Variants in SCHIP1 observed in about 807,000 individuals in gnomAD.
The protein encoded by SCHIP1 is schwannomin interacting protein 1, also known as schwannomin-interacting protein 1.
In SCHIP1, 8 loss-of-function variants were observed where a neutral mutation model predicts 29.7. That is an observed-to-expected ratio of 0.27 (90% confidence interval 0.16 to 0.49). SCHIP1 has a LOEUF of 0.49. SCHIP1 is among the 20% of genes least tolerant of loss of function. The pLI is 0.99. For synonymous variants in SCHIP1, 76 were observed against 94.9 expected (o/e 0.80, Z 1.16); for missense variants, 193 against 294.6 (o/e 0.66, Z 2.52).
the SCHIP1 span, among the ~76,000 whole-genome samples, chr3:159,329,269 C>G: frequency 2.6e-5 from 4 of 152,278 alleles, no homozygotes; most frequent in Admixed American, 2.6e-4. Flanking sequence ...GGGAGATAGT[C>G]TAAGCTATGA....
chr3:159,305,957 A>C, the SCHIP1 span, among the ~76,000 whole-genome samples: 1 of 152,096 alleles, frequency 6.6e-6, no homozygotes, highest in Admixed American at 6.5e-5. Context: ...CTTAAGTTCT[A>C]CTTCAACCTG....
chr3:159,857,951 CCTT>C (rs1264897527), intron 1 of SCHIP1, among the ~76,000 whole-genome samples: 9 of 152,190 alleles, frequency 5.9e-5, no homozygotes, highest in Non-Finnish European at 1.0e-4. Context: ...CTCCTCCCCA[CCTT>C]CTTTCTGGCC....
At chr3:159,839,932 A>G in exon 1 of SCHIP1, 2 of 1,407,844 alleles carry the variant, frequency 1.4e-6, no homozygotes, top group Non-Finnish European at 1.8e-6. Context: ...GCCCGGTCCC[A>G]GCTCCATGTT....
the SCHIP1 span, among the ~76,000 whole-genome samples, chr3:159,488,230 A>G: frequency 6.6e-6 from 1 of 152,194 alleles, no homozygotes; most frequent in South Asian, 2.1e-4. Context: ...TAATGGACAC[A>G]CAAAAAATAG....
the SCHIP1 span, among the ~76,000 whole-genome samples, chr3:159,577,847 A>G: frequency 6.6e-6 from 1 of 152,210 alleles, no homozygotes. Flanking sequence ...GCAATGCTTA[A>G]CATTTTTCAA....
the SCHIP1 span, among the ~76,000 whole-genome samples, chr3:159,285,966 A>G: frequency 6.6e-6 from 1 of 152,132 alleles, no homozygotes; most frequent in Non-Finnish European, 1.5e-5. Flanking sequence ...TTTAAAACTT[A>G]TCTTTCAAGA....
At chr3:159,679,494 G>A in the SCHIP1 span, among the ~76,000 whole-genome samples, 1 of 152,182 alleles carries the variant, frequency 6.6e-6, no homozygotes, top group Non-Finnish European at 1.5e-5. Context: ...ATTTCAGCAG[G>A]ACAAATAGTT....
chr3:159,519,861 GA>G, the SCHIP1 span, among the ~76,000 whole-genome samples: 72,164 of 146,276 alleles, frequency 0.49, 17,720 homozygotes, highest in East Asian at 0.62. Flanking sequence ...CAGTCATGAA[GA>G]AAAAAAAAAT....
chr3:159,645,735 G>C, the SCHIP1 span, among the ~76,000 whole-genome samples: 3 of 152,036 alleles, frequency 2.0e-5, no homozygotes, highest in African/African-American at 7.2e-5. Flanking sequence ...GAAAAATAGA[G>C]AAATACCACT....
chr3:159,827,878 A>G, the SCHIP1 span, among the ~76,000 whole-genome samples: 1 of 151,990 alleles, frequency 6.6e-6, no homozygotes, highest in South Asian at 2.1e-4. Context: ...TGATTTTCAT[A>G]GTAAATTCAA....
At chr3:159,578,360 C>A in the SCHIP1 span, among the ~76,000 whole-genome samples, 1 of 152,082 alleles carries the variant, frequency 6.6e-6, no homozygotes, top group South Asian at 2.1e-4. Context: ...TTTAATCTGA[C>A]TACATGTTGA....
the SCHIP1 span, among the ~76,000 whole-genome samples, chr3:159,428,027 C>A: frequency 1.3e-5 from 2 of 152,184 alleles, no homozygotes; most frequent in South Asian, 4.1e-4. Flanking sequence ...TTCCTTACAT[C>A]TTATTCAAAA....
the SCHIP1 span, among the ~76,000 whole-genome samples, chr3:159,783,069 C>A: frequency 2.0e-5 from 3 of 152,236 alleles, no homozygotes; most frequent in Non-Finnish European, 2.9e-5. Context: ...AATGTTTTTA[C>A]CCATTCATTT....
chr3:159,892,553 G>A (rs991219979), intron 6 of SCHIP1: 10 of 449,482 alleles, frequency 2.2e-5, no homozygotes, highest in Non-Finnish European at 3.2e-5. Flanking sequence ...GCCATGTGAT[G>A]AGTTCTCCAA....
At chr3:159,645,006 ATACAAG>A in the SCHIP1 span, among the ~76,000 whole-genome samples, 2 of 152,174 alleles carry the variant, frequency 1.3e-5, no homozygotes, top group Admixed American at 1.3e-4. Context: ...AAACACAGCT[ATACAAG>A]CATCCCCCAG....
chr3:159,308,652 C>T, the SCHIP1 span, among the ~76,000 whole-genome samples: 2 of 152,110 alleles, frequency 1.3e-5, no homozygotes, highest in African/African-American at 2.4e-5. Flanking sequence ...CCCAGCAATC[C>T]CATCACTGGG....
At chr3:159,501,234 G>A in the SCHIP1 span, among the ~76,000 whole-genome samples, 6 of 152,088 alleles carry the variant, frequency 3.9e-5, no homozygotes, top group Admixed American at 1.3e-4. Context: ...GTGACTGCTC[G>A]CAGCTTATTG....
At chr3:159,805,001 T>C in the SCHIP1 span, among the ~76,000 whole-genome samples, 1 of 152,190 alleles carries the variant, frequency 6.6e-6, no homozygotes, top group Non-Finnish European at 1.5e-5. Context: ...ATTTTCCCAG[T>C]CATCCTCAGC....
chr3:159,446,116 T>C, the SCHIP1 span, among the ~76,000 whole-genome samples: 2 of 152,104 alleles, frequency 1.3e-5, no homozygotes, highest in Non-Finnish European at 2.9e-5. Context: ...TTTTACCCTT[T>C]AGGCCGGTGG....
Sources: allele counts gnomAD v4.1 joint callset (sites outside exome capture counted in the v4.1 genomes callset), GRCh38; gene constraint gnomAD v4.1.1; transcripts MANE v1.5; gene names NCBI Gene and HGNC (gene_info 2026-07-23, HGNC 2026-07-21).